TRPC1: variants seen among roughly 807,000 people sequenced by gnomAD.
TRPC1 encodes the protein short transient receptor potential channel 1.
TRPC1 carries 42 observed loss-of-function variants against 88.2 expected under a neutral mutation model. That is an observed-to-expected ratio of 0.48 (90% confidence interval 0.37 to 0.62). TRPC1 has a LOEUF of 0.62. TRPC1 is among the 20% of genes least tolerant of loss of function. The pLI is 0.00. For synonymous variants in TRPC1, 288 were observed against 331.8 expected, an observed-to-expected ratio of 0.87 and a Z score of 1.43; for missense variants, 699 against 957.3, an observed-to-expected ratio of 0.73 and a Z score of 3.56.
At chr3:142,748,970 C>A (rs1035192120) in intron 4 of TRPC1, among the ~76,000 whole-genome samples, 13 of 152,226 alleles carry the variant, frequency 8.5e-5, no homozygotes, top group African/African-American at 3.1e-4. Flanking sequence ...CAAGAAAATA[C>A]CCTGTCACAG....
intron 4 of TRPC1, among the ~76,000 whole-genome samples, chr3:142,763,706 A>G (rs1413020680): frequency 1.3e-5 from 2 of 151,876 alleles, no homozygotes; most frequent in African/African-American, 4.8e-5. Context: ...GACTTACTGC[A>G]ACCATTTTAT....
At chr3:142,772,056 G>T (rs1935595242) in intron 4 of TRPC1, among the ~76,000 whole-genome samples, 1 of 152,042 alleles carries the variant, frequency 6.6e-6, no homozygotes. Flanking sequence ...GGGTTCCCTT[G>T]TAAGTGACCT....
intron 7 of TRPC1, among the ~76,000 whole-genome samples, chr3:142,786,990 C>T (rs1303673401): frequency 3.3e-5 from 5 of 152,046 alleles, no homozygotes; most frequent in African/African-American, 4.8e-5. Flanking sequence ...CTGCTGTCCC[C>T]GATTTTCATA....
At chr3:142,746,904 G>C (rs1934577390) in intron 3 of TRPC1, among the ~76,000 whole-genome samples, 1 of 151,176 alleles carries the variant, frequency 6.6e-6, no homozygotes, top group Non-Finnish European at 1.5e-5. Context: ...TTCTGCTGCT[G>C]GGCTTTTATG....
At chr3:142,762,490 C>T (rs1287190719) in intron 4 of TRPC1, among the ~76,000 whole-genome samples, 1 of 136,364 alleles carries the variant, frequency 7.3e-6, no homozygotes, top group Non-Finnish European at 1.5e-5. Flanking sequence ...AGTGCAATGG[C>T]GTGATCTCGG....
At chr3:142,748,549 T>C (rs933643180) in intron 4 of TRPC1, 89 bp downstream of exon 4, 1 of 1,403,882 alleles carries the variant, frequency 7.1e-7, no homozygotes, top group African/African-American at 1.4e-5. Flanking sequence ...ATGCAGCTTT[T>C]AAGAAATGTG....
intron 4 of TRPC1, among the ~76,000 whole-genome samples, chr3:142,766,559 C>A (rs905042383): frequency 1.3e-5 from 2 of 152,102 alleles, no homozygotes; most frequent in Non-Finnish European, 2.9e-5. Flanking sequence ...TACCACCATG[C>A]CTGGCTAATT....
intron 1 of TRPC1, among the ~76,000 whole-genome samples, chr3:142,734,370 A>G (rs929807774): frequency 6.6e-6 from 1 of 152,228 alleles, no homozygotes; most frequent in Non-Finnish European, 1.5e-5. Context: ...TTAAGAAATC[A>G]GTGAATGGGT....
At chr3:142,746,571 A>G (rs923299391) in intron 3 of TRPC1, among the ~76,000 whole-genome samples, 1 of 152,214 alleles carries the variant, frequency 6.6e-6, no homozygotes, top group African/African-American at 2.4e-5. Flanking sequence ...TCAGATAAGT[A>G]TATCAGAAAA....
chr3:142,754,092 A>G (rs1934875508), intron 4 of TRPC1, among the ~76,000 whole-genome samples: 1 of 47,724 alleles, frequency 2.1e-5, no homozygotes, highest in Admixed American at 1.4e-4. Context: ...TCCGTCTCAA[A>G]AAAAAAAAAA....
At chr3:142,778,107 T>C (rs1935845306) in intron 5 of TRPC1, among the ~76,000 whole-genome samples, 1 of 152,218 alleles carries the variant, frequency 6.6e-6, no homozygotes, top group African/African-American at 2.4e-5. Context: ...CTCTCACACA[T>C]ATCTCCTCAT....
chr3:142,736,969 T>G (rs1295895557), intron 2 of TRPC1, among the ~76,000 whole-genome samples: 1 of 152,058 alleles, frequency 6.6e-6, no homozygotes, highest in Non-Finnish European at 1.5e-5. Context: ...CAGTTTTCAG[T>G]TTGACTTTGG....
chr3:142,740,865 A>G (rs992863282), intron 2 of TRPC1, among the ~76,000 whole-genome samples: 1 of 152,168 alleles, frequency 6.6e-6, no homozygotes, highest in Non-Finnish European at 1.5e-5. Flanking sequence ...GTTAGCAAAG[A>G]GTGATGAAGG....
At chr3:142,725,040 C>T (rs1278254637) in intron 1 of TRPC1, among the ~76,000 whole-genome samples, 1 of 152,238 alleles carries the variant, frequency 6.6e-6, no homozygotes, top group Non-Finnish European at 1.5e-5. Flanking sequence ...GCCCTTGCTA[C>T]TGACCGCATG....
intron 9 of TRPC1, among the ~76,000 whole-genome samples, chr3:142,797,017 T>G (rs1936473429): frequency 6.6e-6 from 1 of 152,026 alleles, no homozygotes; most frequent in South Asian, 2.1e-4. Flanking sequence ...GCCCTTCCTC[T>G]TTTTTTCTTC....
rs919514800 is a variant in TRPC1 at position 142,724,961 on chromosome 3, G to T, written c.172+230G>T. On this transcript the variant is annotated intron_variant, in intron 1 of 12. Coordinates refer to ENST00000476941, the MANE Select transcript of TRPC1 (RefSeq NM_001251845.2). The surrounding 1 kb of genome is among the most constrained non-coding windows in gnomAD (Gnocchi z 5.6). ...CCCTCGGAGCGCTGCACCGTCGGGG[G>T]TGGCTCTGGCCTTGGGGTCCGGGGT... 9.9e-5 allele frequency among the ~76,000 whole-genome samples: 15 copies of T among 152,220 alleles called. No homozygotes were observed. Among genetic ancestry groups the T allele is most frequent in the Non-Finnish European group, 1.9e-4 (13 of 68,034 alleles).
rs1287503636 is a variant in TRPC1, at chr3:142,725,107, A to G, written c.172+376A>G. ...CATTCCTTCCGGGAGTCGAGAGGCTAGTTTCCGACACTCCAGTCGGAAAAT... is the reference window on the plus strand; with the variant it reads ...CATTCCTTCCGGGAGTCGAGAGGCTGGTTTCCGACACTCCAGTCGGAAAAT... On this transcript the variant is annotated intron_variant, in intron 1 of 12. Transcript: ENST00000476941. Among the ~76,000 whole-genome samples, 4 of 152,340 alleles carry G rather than the reference A, an allele frequency of 2.6e-5. No homozygotes were observed. The East Asian group carries it at 7.7e-4, about 29-fold the overall frequency.
At chr3:142,731,378 T>C (rs1933900753) in intron 1 of TRPC1, among the ~76,000 whole-genome samples, 1 of 73,262 alleles carries the variant, frequency 1.4e-5, no homozygotes, top group African/African-American at 9.1e-5. Flanking sequence ...GTTTTGATTT[T>C]TTTTTTTTTT....
intron 4 of TRPC1, among the ~76,000 whole-genome samples, chr3:142,771,553 G>A (rs1305852063): frequency 1.3e-5 from 2 of 152,000 alleles, no homozygotes; most frequent in Non-Finnish European, 2.9e-5. Context: ...TTCTCGTAAT[G>A]ATATTTTTGT....
Sources: gnomAD v4.1 joint callset for allele counts (sites outside exome capture counted in the v4.1 genomes callset) on GRCh38, gnomAD v4.1.1 for gene constraint, Gnocchi (gnomAD v3.1) non-coding constraint, MANE v1.5 for transcripts, NCBI Gene and HGNC (gene_info 2026-07-23, HGNC 2026-07-21) for gene names.